The following ELAPOR1 variants were observed in gnomAD, a reference collection of about 807,000 sequenced individuals.
The protein encoded by ELAPOR1 is endosome/lysosome-associated apoptosis and autophagy regulator 1.
ELAPOR1 carries 77 observed loss-of-function variants against 119.7 expected under a neutral mutation model. The observed-to-expected ratio is 0.64, with a 90% CI of 0.54 to 0.78. The LOEUF (loss-of-function observed/expected upper bound fraction) is 0.78. Among genes scored for constraint, ELAPOR1 ranks in the 30% least tolerant of loss-of-function variants. The pLI is 0.00. For synonymous variants in ELAPOR1, 481 were observed against 487.2 expected (o/e 0.99, Z 0.17); for missense variants, 1,115 against 1,270.4 (o/e 0.88, Z 1.86).
At chr1:109,163,715 G>GGT (rs1312441221) in intron 2 of ELAPOR1, among the ~76,000 whole-genome samples, 1 of 152,186 alleles carries the variant, frequency 6.6e-6, no homozygotes, top group African/African-American at 2.4e-5. Flanking sequence ...GTTTTAGAAA[G>GGT]GTACCTCTGA....
intron 1 of ELAPOR1, among the ~76,000 whole-genome samples, chr1:109,132,550 G>A (rs1309103574): frequency 2.6e-5 from 4 of 152,166 alleles, no homozygotes; most frequent in Admixed American, 2.6e-4. Flanking sequence ...ACAAAGAAAG[G>A]TACATGGTGC....
chr1:109,172,143 G>A (rs1031933515), intron 4 of ELAPOR1, 130 bp downstream of exon 4: 15 of 1,194,274 alleles, frequency 1.3e-5, no homozygotes, highest in Non-Finnish European at 1.8e-5. Context: ...GGAGAGAGCT[G>A]TGGGCAAAAT....
chr1:109,131,780 A>G (rs892061562), intron 1 of ELAPOR1, among the ~76,000 whole-genome samples: 4 of 152,226 alleles, frequency 2.6e-5, no homozygotes, highest in African/African-American at 9.6e-5. Flanking sequence ...GGCCTAGGGC[A>G]GTACCCAAAT....
chr1:109,134,687 G>A (rs3738782), intron 1 of ELAPOR1, among the ~76,000 whole-genome samples: 17,645 of 152,030 alleles, frequency 0.12, 1,187 homozygotes, highest in Admixed American at 0.17. Flanking sequence ...CTGCGGAGCT[G>A]AGCTGGTTTC....
At chr1:109,187,008 C>A (rs1653093442) in intron 8 of ELAPOR1, 1 of 985,604 alleles carries the variant, frequency 1.0e-6, no homozygotes, top group South Asian at 4.7e-5. Context: ...CATTCCCCAG[C>A]TGTTCCTTGC....
At chr1:109,196,023 G>A (rs1338003475) in intron 15 of ELAPOR1, among the ~76,000 whole-genome samples, 1 of 152,140 alleles carries the variant, frequency 6.6e-6, no homozygotes, top group African/African-American at 2.4e-5. Context: ...CGGCATGGTG[G>A]CACACATCTG....
intron 1 of ELAPOR1, among the ~76,000 whole-genome samples, chr1:109,121,180 CTTG>C (rs1648390487): frequency 6.6e-6 from 1 of 151,902 alleles, no homozygotes; most frequent in African/African-American, 2.4e-5. Flanking sequence ...GAGTTTCCTT[CTTG>C]TTGTCCAGGC....
At chr1:109,169,309 G>T (rs1387728635) in intron 3 of ELAPOR1, among the ~76,000 whole-genome samples, 1 of 152,032 alleles carries the variant, frequency 6.6e-6, no homozygotes, top group Non-Finnish European at 1.5e-5. Context: ...GCACAATCTC[G>T]GCTCACTGCA....
Position 109,192,762 on chromosome 1 carries a change from A to AC in ELAPOR1, c.1837dup (p.Arg613ProfsTer12), listed in dbSNP as rs756019977. On this transcript the variant is annotated frameshift_variant, in exon 14 of 22. Coordinates refer to ENST00000369939, the MANE Select transcript of ELAPOR1 (RefSeq NM_020775.5). LOFTEE classifies it high-confidence loss of function. ...TCTTGTCCTGCTGGTTACTATATTG[A>AC]CCGAGATTCAGGAACCTGCCACTCC... is the stretch of plus-strand genomic sequence containing the variant. The AC allele has an allele frequency of 6.2e-7, 1 of 1,613,606 alleles. No homozygotes were observed. Among genetic ancestry groups the AC allele is most frequent in the Non-Finnish European group, 8.5e-7 (1 of 1,179,954 alleles).
chr1:109,132,580 G>A (rs1235277396), intron 1 of ELAPOR1, among the ~76,000 whole-genome samples: 1 of 152,138 alleles, frequency 6.6e-6, no homozygotes, highest in East Asian at 1.9e-4. Flanking sequence ...ACATATTAGG[G>A]GATTTGACTT....
intron 14 of ELAPOR1, 129 bp from the exon 15 acceptor site, chr1:109,194,292 C>T (rs567464274): frequency 5.6e-5 from 41 of 732,688 alleles, no homozygotes; most frequent in African/African-American, 4.1e-4. Flanking sequence ...CTAGCCACTC[C>T]TAATCCTTTC....
chr1:109,198,774 G>A lies in ELAPOR1; in HGVS notation c.2501+100G>A, dbSNP rs946462081. On this transcript the variant is annotated intron_variant, in intron 18 of 21. Transcript: ENST00000369939. ...CTGAAAAAGAGCAAAAAAGAAAAGA[G>A]TTTGAGATCCATTAATGGGTGCTTA... is the stretch of plus-strand genomic sequence containing the variant. 1.0e-5 allele frequency: 11 copies of A among 1,077,304 alleles called. No individual in the cohort carries two copies. The East Asian group carries it at 2.8e-4, about 28-fold the overall frequency. The allele number at this position is 1,077,304 out of a possible 1,614,324, so 66.7% of individuals were successfully genotyped here. A position where few individuals can be genotyped will look rare whatever the true frequency, so the allele number is the denominator to read the frequency against.
At chr1:109,187,474 A>G in intron 8 of ELAPOR1, 1 of 999,578 alleles carries the variant, frequency 1.0e-6, no homozygotes, top group Non-Finnish European at 1.2e-6. Flanking sequence ...TATGTATGGT[A>G]TCTGCACAGA....
intron 1 of ELAPOR1, among the ~76,000 whole-genome samples, chr1:109,156,535 T>C (rs1439044373): frequency 6.7e-6 from 1 of 150,196 alleles, no homozygotes; most frequent in Non-Finnish European, 1.5e-5. Context: ...TTTCTGTCTC[T>C]ATGAATTTGA....
chr1:109,119,989 G>A (rs1436463197), intron 1 of ELAPOR1, among the ~76,000 whole-genome samples: 2 of 152,142 alleles, frequency 1.3e-5, no homozygotes, highest in Non-Finnish European at 2.9e-5. Flanking sequence ...ACTATGGTCT[G>A]ATGTTTGTGT....
At chr1:109,177,276 C>A (rs1279727836) in intron 7 of ELAPOR1, among the ~76,000 whole-genome samples, 1 of 147,372 alleles carries the variant, frequency 6.8e-6, no homozygotes, top group African/African-American at 2.6e-5. Flanking sequence ...GGCTGCCGGG[C>A]AGAGACGCTC....
At chr1:109,186,661 T>C (rs531057487) in intron 8 of ELAPOR1, 2 of 985,478 alleles carry the variant, frequency 2.0e-6, no homozygotes, top group East Asian at 2.3e-4. Context: ...TGTGAACATT[T>C]ATTTTCATTT....
chr1:109,185,543 T>C (rs1196238957), intron 8 of ELAPOR1, among the ~76,000 whole-genome samples: 1 of 152,194 alleles, frequency 6.6e-6, no homozygotes, highest in African/African-American at 2.4e-5. Flanking sequence ...TGGTCTGACT[T>C]GTTCCGTTTC....
Position 109,189,796 on chromosome 1 carries a change from A to G in ELAPOR1, c.1439+114A>G, listed in dbSNP as rs916753598. On this transcript the variant is annotated intron_variant, in intron 11 of 21. Transcript: ENST00000369939. Reference sequence around the variant, plus strand: ...CCGGGGTTGTGTTTCATTTCATTTCAAATGTCAGTTGAGAACAGAGGGTAC... The same window carrying G: ...CCGGGGTTGTGTTTCATTTCATTTCGAATGTCAGTTGAGAACAGAGGGTAC... The G allele has an allele frequency of 2.8e-5, 22 of 780,504 alleles. 1 individual carries two copies. The highest frequency in any genetic ancestry group is 2.9e-4 in the Middle Eastern group (1 of 3,508). 48.3% of individuals were successfully genotyped at this position (780,504 alleles called of 1,614,324 possible).
Sources: allele counts gnomAD v4.1 joint callset (sites outside exome capture counted in the v4.1 genomes callset), GRCh38; gene constraint gnomAD v4.1.1; transcripts MANE v1.5; gene names NCBI Gene and HGNC (gene_info 2026-07-23, HGNC 2026-07-21).